SWT1: variants seen among roughly 807,000 people sequenced by gnomAD.
SWT1 encodes transcriptional protein SWT1.
In SWT1, 33 loss-of-function variants were observed where a neutral mutation model predicts 107.3. The ratio of observed to expected loss-of-function variants is 0.31; its 90% CI spans 0.23 to 0.41. The LOEUF (loss-of-function observed/expected upper bound fraction) is 0.41, where lower values mean the gene tolerates loss of function less well. SWT1 is among the 10% of genes least tolerant of loss of function. The pLI, the probability that SWT1 is intolerant of heterozygous loss-of-function variation, is 1.00. For missense variants in SWT1, 898 were observed against 1,028.9 expected, an observed-to-expected ratio of 0.87 and a Z score of 1.74; for synonymous variants, 345 against 348.3, an observed-to-expected ratio of 0.99 and a Z score of 0.11.
At chr1:185,259,055 A>G (rs1355296954) in intron 16 of SWT1, among the ~76,000 whole-genome samples, 3 of 152,060 alleles carry the variant, frequency 2.0e-5, no homozygotes, top group Non-Finnish European at 4.4e-5. Context: ...TGATTCACTA[A>G]ATCTCTTCCC....
At chr1:185,221,776 A>C in intron 14 of SWT1, 73 bp from the exon 15 acceptor site, 1 of 1,037,836 alleles carries the variant, frequency 9.6e-7, no homozygotes, top group Non-Finnish European at 1.4e-6. Flanking sequence ...ATTTGTAAGC[A>C]CAGTTGCCAC....
At chr1:185,252,712 T>A (rs531684714) in intron 16 of SWT1, among the ~76,000 whole-genome samples, 284 of 152,318 alleles carry the variant, frequency 1.9e-3, no homozygotes, top group African/African-American at 6.5e-3. Flanking sequence ...GTTATGAAAA[T>A]TTTCTCCCAT....
intron 10 of SWT1, among the ~76,000 whole-genome samples, chr1:185,192,651 T>C (rs1657053110): frequency 6.9e-6 from 1 of 145,668 alleles, no homozygotes. Context: ...ACGCCTCTCT[T>C]TTTTTTTTTT....
intron 6 of SWT1, 87 bp downstream of exon 6, chr1:185,180,537 C>G: frequency 1.1e-6 from 1 of 926,478 alleles, no homozygotes; most frequent in Non-Finnish European, 1.7e-6. Context: ...TGTAGAAACC[C>G]TGATAATATG....
intron 14 of SWT1, among the ~76,000 whole-genome samples, chr1:185,217,551 A>G (rs1389647202): frequency 6.6e-6 from 1 of 151,942 alleles, no homozygotes; most frequent in East Asian, 1.9e-4. Context: ...CTGATTCTAC[A>G]TTATGGTGAG....
chr1:185,201,410 G>C (rs775555099), intron 10 of SWT1, among the ~76,000 whole-genome samples: 5 of 152,156 alleles, frequency 3.3e-5, no homozygotes, highest in African/African-American at 1.2e-4. Context: ...CCTGGTCTGC[G>C]GGTTGTGAAG....
At position 185,197,879 on chromosome 1, in the gene SWT1, A is replaced by G. The variant is rs147876272; in HGVS notation, c.1524-4775A>G. ...TAGCAGTCTGTTTTGTTGATCTTTC[A>G]AAAAACCAGCTCCTGGATTCATTGA... On this transcript the variant is annotated intron_variant, in intron 10 of 18. Transcript: ENST00000367500. 8.2e-4 allele frequency among the ~76,000 whole-genome samples: 125 copies of G among 152,150 alleles called. 1 individual carries two copies. In the East Asian group the frequency reaches 0.023, roughly 28 times the overall value.
intron 17 of SWT1, 22 bp from the exon 18 acceptor site, chr1:185,276,582 A>G: frequency 2.1e-6 from 3 of 1,426,068 alleles, no homozygotes; most frequent in Non-Finnish European, 2.9e-6. Context: ...ATTTTTAATA[A>G]CTATATCTTG....
chr1:185,203,661 A>AT (rs966416321), intron 11 of SWT1, among the ~76,000 whole-genome samples: 3 of 151,290 alleles, frequency 2.0e-5, no homozygotes, highest in Non-Finnish European at 3.0e-5. Context: ...CTATTATTTC[A>AT]TTTTTTTTCA....
chr1:185,160,758 T>A, intron 1 of SWT1, 75 bp from the exon 2 acceptor site: 1 of 1,053,574 alleles, frequency 9.5e-7, no homozygotes, highest in Non-Finnish European at 1.4e-6. Flanking sequence ...AATCTTTATA[T>A]AACTGAAAGA....
intron 1 of SWT1, among the ~76,000 whole-genome samples, chr1:185,159,734 T>A (rs1653977439): frequency 6.6e-6 from 1 of 152,154 alleles, no homozygotes; most frequent in Non-Finnish European, 1.5e-5. Context: ...TATATTTTTT[T>A]AAATTTTTGA....
chr1:185,160,581 A>C (rs1229447086), intron 1 of SWT1, among the ~76,000 whole-genome samples: 2 of 152,104 alleles, frequency 1.3e-5, no homozygotes, highest in Non-Finnish European at 2.9e-5. Flanking sequence ...ACATGCCTGT[A>C]ATCTCAGCTG....
chr1:185,267,207 C>G (rs1165152443), intron 16 of SWT1, among the ~76,000 whole-genome samples: 2 of 152,122 alleles, frequency 1.3e-5, no homozygotes, highest in Non-Finnish European at 2.9e-5. Flanking sequence ...GAGCATGTAC[C>G]GTGTGCCCTA....
chr1:185,274,276 A>G (rs982896350), intron 17 of SWT1, among the ~76,000 whole-genome samples: 4 of 148,274 alleles, frequency 2.7e-5, no homozygotes, highest in Non-Finnish European at 4.5e-5. Context: ...TATATGTAAT[A>G]TATATTATAT....
Position 185,231,456 on chromosome 1 carries a change from A to G in SWT1, c.2310-121A>G. 2 of 745,262 alleles carry G rather than the reference A, an allele frequency of 2.7e-6. 1 individual carries two copies. Among genetic ancestry groups the G allele is most frequent in the Non-Finnish European group, 4.5e-6 (2 of 444,282 alleles). 46.2% of individuals were successfully genotyped at this position (745,262 alleles called of 1,614,324 possible). On this transcript the variant is annotated intron_variant, in intron 15 of 18. Transcript: ENST00000367500. Reference sequence around the variant, plus strand: ...CTTTTATTTCTAATTTAAATAGATCAGCATTCTGAGAGATTAGTGATAATA... The same window carrying G: ...CTTTTATTTCTAATTTAAATAGATCGGCATTCTGAGAGATTAGTGATAATA...
At chr1:185,201,942 A>G (rs1476576666) in intron 10 of SWT1, among the ~76,000 whole-genome samples, 2 of 151,276 alleles carry the variant, frequency 1.3e-5, no homozygotes, top group African/African-American at 4.9e-5. Context: ...CAAATAGTTA[A>G]TATATTTTTT....
chr1:185,166,813 C>T (rs536529207), intron 3 of SWT1, among the ~76,000 whole-genome samples, 161 bp downstream of exon 3: 4 of 152,114 alleles, frequency 2.6e-5, no homozygotes, highest in African/African-American at 9.7e-5. Context: ...TTTATTATTT[C>T]TTGTACTGTT....
chr1:185,259,404 G>A (rs939648730), intron 16 of SWT1, among the ~76,000 whole-genome samples: 4 of 152,078 alleles, frequency 2.6e-5, no homozygotes, highest in African/African-American at 7.2e-5. Flanking sequence ...TACCATAATT[G>A]CATAGTCATA....
At chr1:185,227,429 A>G (rs6698620) in intron 15 of SWT1, 13,774 of 650,068 alleles carry the variant, frequency 0.021, 529 homozygotes, top group African/African-American at 0.087. Context: ...TTTTCAGGCC[A>G]GCCTTCATAC....
Sources: allele counts gnomAD v4.1 joint callset (sites outside exome capture counted in the v4.1 genomes callset), GRCh38; gene constraint gnomAD v4.1.1; transcripts MANE v1.5; gene names NCBI Gene and HGNC (gene_info 2026-07-23, HGNC 2026-07-21).